Variants in PRKG1 observed in about 807,000 individuals in gnomAD.
PRKG1 encodes cGMP-dependent protein kinase 1.
PRKG1 carries 35 observed loss-of-function variants against 88.1 expected under a neutral mutation model. That is an observed-to-expected ratio of 0.40 (90% confidence interval 0.30 to 0.53). The LOEUF is 0.53. PRKG1 is among the 20% of genes least tolerant of loss of function. The pLI is 0.59. For synonymous variants in PRKG1, 303 were observed against 292.5 expected, an observed-to-expected ratio of 1.04 and a Z score of -0.37; for missense variants, 540 against 839.8, an observed-to-expected ratio of 0.64 and a Z score of 4.41.
chr10:51,037,841 C>G (rs1047178063), intron 1 of PRKG1, among the ~76,000 whole-genome samples: 9 of 151,908 alleles, frequency 5.9e-5, no homozygotes, highest in African/African-American at 2.2e-4. Context: ...TTTGCATTTA[C>G]AAAGTGTACA....
intron 9 of PRKG1, among the ~76,000 whole-genome samples, chr10:52,207,032 AG>A (rs1288085203): frequency 6.6e-6 from 1 of 152,210 alleles, no homozygotes; most frequent in Non-Finnish European, 1.5e-5. Context: ...TCATGCCAAC[AG>A]GGGCATTGCA....
At chr10:51,889,410 TAG>T (rs1373256280) in intron 4 of PRKG1, among the ~76,000 whole-genome samples, 1 of 152,100 alleles carries the variant, frequency 6.6e-6, no homozygotes, top group East Asian at 1.9e-4. Context: ...TATGGCTGCG[TAG>T]TATTCCATGG....
At chr10:52,225,909 A>G (rs1175072952) in intron 9 of PRKG1, among the ~76,000 whole-genome samples, 1 of 151,964 alleles carries the variant, frequency 6.6e-6, no homozygotes, top group African/African-American at 2.4e-5. Flanking sequence ...GTAGTTTGAA[A>G]TCAGGCCTAG....
At chr10:51,660,449 A>ATCT (rs1840271670) in intron 3 of PRKG1, among the ~76,000 whole-genome samples, 1 of 152,014 alleles carries the variant, frequency 6.6e-6, no homozygotes, top group African/African-American at 2.4e-5. Flanking sequence ...TGGGCAGAAA[A>ATCT]AAAAAAAGAC....
chr10:52,138,600 C>T (rs1029476857), intron 8 of PRKG1, among the ~76,000 whole-genome samples: 2 of 152,028 alleles, frequency 1.3e-5, no homozygotes, highest in African/African-American at 2.4e-5. Flanking sequence ...GATGTCCCTA[C>T]CATCAGTGAC....
At chr10:51,610,771 T>A (rs1029629956) in intron 3 of PRKG1, among the ~76,000 whole-genome samples, 1 of 152,162 alleles carries the variant, frequency 6.6e-6, no homozygotes, top group Non-Finnish European at 1.5e-5. Context: ...AGCCATCATC[T>A]TCAGCAAACT....
chr10:51,867,496 C>A (rs1409835203), intron 4 of PRKG1, among the ~76,000 whole-genome samples: 1 of 151,760 alleles, frequency 6.6e-6, no homozygotes, highest in Admixed American at 6.6e-5. Context: ...TAGGCCAGGG[C>A]AGTGGAAAAT....
intron 1 of PRKG1, among the ~76,000 whole-genome samples, chr10:51,143,244 G>C (rs1845864306): frequency 6.6e-6 from 1 of 151,922 alleles, no homozygotes; most frequent in Non-Finnish European, 1.5e-5. Context: ...TCATCTTTTT[G>C]TGCTTGGCTT....
At chr10:51,221,872 C>A (rs375785961) in intron 2 of PRKG1, among the ~76,000 whole-genome samples, 2 of 125,146 alleles carry the variant, frequency 1.6e-5, no homozygotes, top group African/African-American at 6.0e-5. Context: ...TTTTTCTTTT[C>A]TTTCTTTTTT....
At chr10:51,867,063 C>T (rs1841032883) in intron 4 of PRKG1, among the ~76,000 whole-genome samples, 1 of 152,098 alleles carries the variant, frequency 6.6e-6, no homozygotes, top group Non-Finnish European at 1.5e-5. Flanking sequence ...CTGTAGAAAA[C>T]CATACACCAT....
chr10:52,049,161 T>A (rs1845930294), intron 5 of PRKG1, among the ~76,000 whole-genome samples: 1 of 152,078 alleles, frequency 6.6e-6, no homozygotes, highest in South Asian at 2.1e-4. Flanking sequence ...CTTTCTACTA[T>A]CACAGAAATA....
chr10:51,383,850 C>T (rs1161591908), intron 2 of PRKG1, among the ~76,000 whole-genome samples: 6 of 152,128 alleles, frequency 3.9e-5, no homozygotes, highest in African/African-American at 1.2e-4. Flanking sequence ...TGAATGAGAG[C>T]GTAATTCTGT....
At chr10:51,202,664 GT>G (rs1837943448) in intron 2 of PRKG1, among the ~76,000 whole-genome samples, 1 of 152,186 alleles carries the variant, frequency 6.6e-6, no homozygotes, top group Admixed American at 6.5e-5. Context: ...AGTTTATGGG[GT>G]TTAAACAAAG....
intron 9 of PRKG1, among the ~76,000 whole-genome samples, chr10:52,191,275 G>A (rs1223586506): frequency 6.6e-6 from 1 of 151,896 alleles, no homozygotes; most frequent in Non-Finnish European, 1.5e-5. Context: ...CCCACCTGCC[G>A]AGTAGCTGGG....
chr10:51,505,840 G>T (rs185326773), intron 3 of PRKG1, among the ~76,000 whole-genome samples: 3 of 151,640 alleles, frequency 2.0e-5, no homozygotes, highest in Non-Finnish European at 2.9e-5. Context: ...TTTTTATTGC[G>T]TCTATTTGAT....
At chr10:51,723,842 A>G (rs10823471) in intron 3 of PRKG1, among the ~76,000 whole-genome samples, 67,267 of 152,050 alleles carry the variant, frequency 0.44, 15,498 homozygotes, top group Middle Eastern at 0.57. Flanking sequence ...GTTGCATCAT[A>G]TTAGTTGGAT....
At chr10:51,450,520 G>GT (rs932135430) in intron 2 of PRKG1, among the ~76,000 whole-genome samples, 6 of 151,942 alleles carry the variant, frequency 3.9e-5, no homozygotes, top group African/African-American at 1.2e-4. Flanking sequence ...CTTCTAACAA[G>GT]TGCTCCAGCC....
intron 3 of PRKG1, among the ~76,000 whole-genome samples, chr10:51,494,298 G>C (rs1190280451): frequency 6.6e-6 from 1 of 152,126 alleles, no homozygotes; most frequent in African/African-American, 2.4e-5. Context: ...ATTTTCTCTT[G>C]AAAGGACACA....
At chr10:51,440,258 A>C (rs1839062389) in intron 2 of PRKG1, among the ~76,000 whole-genome samples, 1 of 151,880 alleles carries the variant, frequency 6.6e-6, no homozygotes, top group Non-Finnish European at 1.5e-5. Context: ...GGTATAGTAT[A>C]AGTACAGACA....
Sources: allele counts gnomAD v4.1 joint callset (sites outside exome capture counted in the v4.1 genomes callset), GRCh38; gene constraint gnomAD v4.1.1; transcripts MANE v1.5; gene names NCBI Gene and HGNC (gene_info 2026-07-23, HGNC 2026-07-21).